The following TALDO1 variants were observed in gnomAD, a reference collection of about 807,000 sequenced individuals.
TALDO1 encodes the protein transaldolase.
TALDO1 carries 29 observed loss-of-function variants against 38.1 expected under a neutral mutation model. That is an observed-to-expected ratio of 0.76 (90% CI 0.57 to 1.04). The LOEUF (loss-of-function observed/expected upper bound fraction) is 1.04. Among genes scored for constraint, TALDO1 ranks in the 50% least tolerant of loss-of-function variants. TALDO1 has a pLI of 0.00. For missense variants in TALDO1, 499 were observed against 438.1 expected, an observed-to-expected ratio of 1.14 and a Z score of -1.24; for synonymous variants, 207 against 176.8, an observed-to-expected ratio of 1.17 and a Z score of -1.36.
In TALDO1 at chr11:764,281, C is replaced by T. The variant is rs373190351; in HGVS notation, c.836-7C>T. The T allele has an allele frequency of 6.2e-7, 1 of 1,613,942 alleles. No homozygotes were observed. The highest frequency in any genetic ancestry group is 1.3e-5 in the African/African-American group (1 of 74,896). ...GCAGGCATGGAAGGCTGGTTCTTGT[C>T]CCCCAGCCCAAGCCAGTGACCTGGA... On this transcript the variant is annotated splice_polypyrimidine_tract_variant and splice_region_variant and intron_variant, in intron 6 of 7. Transcript: ENST00000319006.
At chr11:763,231 ACCCGCCCCCG>A (rs1185357365) in intron 4 of TALDO1, 103 bp from the exon 5 acceptor site, 1 of 16,404 alleles carries the variant, frequency 6.1e-5, no homozygotes, top group Non-Finnish European at 1.0e-4. Flanking sequence ...CCCCGCCCTC[ACCCGCCCCCG>A]CCCTCACCCA....
chr11:754,359 T>C (rs540457798), intron 1 of TALDO1, among the ~76,000 whole-genome samples: 1 of 152,302 alleles, frequency 6.6e-6, no homozygotes, highest in South Asian at 2.1e-4. Flanking sequence ...CCAGTACAAT[T>C]TGAACAAAAA....
intron 4 of TALDO1, among the ~76,000 whole-genome samples, chr11:761,826 A>C (rs1862929004): frequency 6.6e-6 from 1 of 152,038 alleles, no homozygotes; most frequent in Non-Finnish European, 1.5e-5. Context: ...ACAAGCACAC[A>C]TACCACTCCT....
chr11:758,995 G>A lies in TALDO1; in HGVS notation c.267G>A (p.Val89=), dbSNP rs755075874. 7 of 1,613,224 alleles carry A rather than the reference G, an allele frequency of 4.3e-6. No homozygotes were observed. The South Asian group carries it at 5.5e-5, about 13-fold the overall frequency. ...QIKNAIDKLF[V]LFGAEILKKI... is the part of the protein sequence containing the mutation. ...AAAATGCTATTGATAAACTTTTTGT[G>A]TTGTTTGGAGCAGAAATACTAAAGA... Residue 89 remains valine (V), a synonymous_variant, in exon 3 of 8, where the codon GTG becomes GTA. Coordinates refer to ENST00000319006, the MANE Select transcript of TALDO1 (RefSeq NM_006755.2).
At chr11:759,091 G>C in intron 3 of TALDO1, 34 bp downstream of exon 3, 5 of 1,579,966 alleles carry the variant, frequency 3.2e-6, no homozygotes, top group Non-Finnish European at 4.3e-6. Flanking sequence ...GGATGGGCTG[G>C]TCAGGTGTCC....
At chr11:761,186 T>C (rs187811349) in intron 4 of TALDO1, among the ~76,000 whole-genome samples, 150 of 151,630 alleles carry the variant, frequency 9.9e-4, no homozygotes, top group African/African-American at 3.4e-3. Flanking sequence ...CTACAAAAAA[T>C]TTAGCTGGGC....
intron 3 of TALDO1, among the ~76,000 whole-genome samples, chr11:759,768 G>A (rs1028815808): frequency 1.3e-5 from 2 of 152,104 alleles, no homozygotes; most frequent in African/African-American, 4.8e-5. Context: ...TTTTAGTAGC[G>A]ACAGGGTTTC....
Position 755,958 on chromosome 11 carries a change from G to C in TALDO1, c.177G>C (p.Gln59His). 6.2e-7 allele frequency: 1 copy of C among 1,614,030 alleles called. No homozygotes were observed. The highest frequency in any genetic ancestry group is 8.5e-7 in the Non-Finnish European group (1 of 1,179,982). Residue 59 changes from glutamine (Q) to histidine (H), a missense_variant, in exon 2 of 8, where the codon CAG (glutamine) becomes CAC (histidine). Gln to His is a conservative substitution (Grantham distance 24). Coordinates refer to ENST00000319006, the MANE Select transcript of TALDO1 (RefSeq NM_006755.2). ...CCGCAGCACAGATGCCCGCTTACCA[G>C]GAGCTGGTGGAGGAGGCGATTGCCT... The part of the protein sequence containing the change: ...ILAAAQMPAY[Q>H]ELVEEAIAYG...
chr11:756,116 A>G (rs532923497), intron 2 of TALDO1, 114 bp downstream of exon 2: 1 of 1,426,358 alleles, frequency 7.0e-7, no homozygotes, highest in Non-Finnish European at 9.4e-7. Flanking sequence ...CAAGGGGGGA[A>G]AAAAACCCTA....
chr11:760,481 G>A (rs1018790607), intron 4 of TALDO1: 20 of 590,648 alleles, frequency 3.4e-5, no homozygotes, highest in Non-Finnish European at 5.8e-5. Flanking sequence ...TTCCCAGGAA[G>A]TACCATCCAC....
In TALDO1 at chr11:763,956, C is replaced by T; in HGVS notation, c.835+12C>T. 6.2e-7 allele frequency: 1 copy of T among 1,605,476 alleles called. No homozygotes were observed. The highest frequency in any genetic ancestry group is 8.5e-7 in the Non-Finnish European group (1 of 1,179,268). On this transcript the variant is annotated intron_variant, in intron 6 of 7. Coordinates refer to ENST00000319006, the MANE Select transcript of TALDO1 (RefSeq NM_006755.2). ...CTCAGCCAAGGCGGGTGAGGCCCCA[C>T]TGCCCAGCTGTGGCTCCTGCTCGGG...
chr11:756,963 C>A (rs1041411655), intron 2 of TALDO1, among the ~76,000 whole-genome samples: 1 of 152,162 alleles, frequency 6.6e-6, no homozygotes. Context: ...ATTTTAGATT[C>A]TCTTCAGGGT....
Position 747,597 on chromosome 11 carries a change from C to T in TALDO1, c.97+19C>T. Reference sequence around the variant, plus strand: ...TTCCACGGTGAGGACGGCGCGGAGCCCGGGCGCGGCGCAAGCGCCCTCCAG... The same window carrying T: ...TTCCACGGTGAGGACGGCGCGGAGCTCGGGCGCGGCGCAAGCGCCCTCCAG... On this transcript the variant is annotated intron_variant, in intron 1 of 7. Coordinates refer to ENST00000319006, the MANE Select transcript of TALDO1 (RefSeq NM_006755.2). 1 of 1,550,570 alleles carries T rather than the reference C, an allele frequency of 6.4e-7. No individual in the cohort carries two copies. Among genetic ancestry groups the T allele is most frequent in the Non-Finnish European group, 8.7e-7 (1 of 1,150,564 alleles).
At chr11:761,888 G>A (rs1862930968) in intron 4 of TALDO1, among the ~76,000 whole-genome samples, 1 of 152,202 alleles carries the variant, frequency 6.6e-6, no homozygotes, top group Non-Finnish European at 1.5e-5. Flanking sequence ...GGGCTCAAGA[G>A]ATCTCTACCC....
At position 758,941 on chromosome 11, in the gene TALDO1, G is replaced by T; in HGVS notation, c.222-9G>T. ...CTTCTAACCTGCTTTTTTTCCCTTT[G>T]AATTTCAGGTCACAAGAGGACCAGA... On this transcript the variant is annotated splice_polypyrimidine_tract_variant and intron_variant, in intron 2 of 7. Coordinates refer to ENST00000319006, the MANE Select transcript of TALDO1 (RefSeq NM_006755.2). 6.2e-7 allele frequency: 1 copy of T among 1,606,902 alleles called. No individual in the cohort carries two copies. The highest frequency in any genetic ancestry group is 1.1e-5 in the South Asian group (1 of 90,890).
Position 763,466 on chromosome 11 carries a change from A to T in TALDO1, c.584A>T (p.Asp195Val). The T allele has an allele frequency of 6.2e-7, 1 of 1,613,164 alleles. No homozygotes were observed. The highest frequency in any genetic ancestry group is 8.5e-7 in the Non-Finnish European group (1 of 1,179,780). Reference sequence around the variant, plus strand: ...TCCCCATTTGTTGGGCGCATCCTTGATTGGCATGTGGCAAACACCGACAAG... The same window carrying T: ...TCCCCATTTGTTGGGCGCATCCTTGTTTGGCATGTGGCAAACACCGACAAG... Reference protein sequence around the residue: ...LISPFVGRILDWHVANTDKKS... With the variant: ...LISPFVGRILVWHVANTDKKS... The change falls in exon 5 of 8, where the codon GAT becomes GTT. Residue 195 changes from aspartate to valine, a missense_variant. Asp to Val is a radical substitution (Grantham distance 152, BLOSUM62 -3). Transcript: ENST00000319006.
intron 3 of TALDO1, 120 bp downstream of exon 3, chr11:759,177 G>A: frequency 2.3e-6 from 2 of 851,150 alleles, no homozygotes; most frequent in South Asian, 1.4e-5. Flanking sequence ...GGGCCCAAGA[G>A]GAGGTTTATT....
chr11:747,524 C>T lies in TALDO1; in HGVS notation c.43C>T (p.Leu15=), dbSNP rs1207698429. 1.2e-6 allele frequency: 2 copies of T among 1,600,220 alleles called. No individual in the cohort carries two copies. Among genetic ancestry groups the T allele is most frequent in the East Asian group, 2.3e-5 (1 of 43,608 alleles). The part of the protein sequence containing the change: ...PVKRQRMESA[L]DQLKQFTTVV... ...GAAGCGTCAGAGGATGGAGTCCGCG[C>T]TGGACCAGCTCAAGCAGTTCACCAC... Residue 15 remains leucine, a synonymous_variant, in exon 1 of 8, where the codon CTG becomes TTG. Coordinates refer to ENST00000319006, the MANE Select transcript of TALDO1 (RefSeq NM_006755.2).
intron 1 of TALDO1, among the ~76,000 whole-genome samples, chr11:749,265 C>T (rs557463914): frequency 1.3e-5 from 2 of 151,676 alleles, no homozygotes; most frequent in East Asian, 2.0e-4. Flanking sequence ...TAGCTGGGTG[C>T]GGTGTTGCAT....
Sources: gnomAD v4.1 joint callset for allele counts (sites outside exome capture counted in the v4.1 genomes callset) on GRCh38, gnomAD v4.1.1 for gene constraint, MANE v1.5 for transcripts, NCBI Gene and HGNC (gene_info 2026-07-23, HGNC 2026-07-21) for gene names.